OCA2: variants seen among roughly 807,000 people sequenced by gnomAD.
OCA2 encodes P protein.
In OCA2, 77 loss-of-function variants were observed where a neutral mutation model predicts 100.2. That is an observed-to-expected ratio of 0.77 (90% CI 0.64 to 0.93). OCA2 has a LOEUF of 0.93. Ranked by LOEUF, OCA2 falls within the 40% of genes least tolerant of loss-of-function variation. The probability of loss-of-function intolerance (pLI) is 0.00; values close to 1 mark genes in which losing one functional copy is unlikely to be tolerated. For missense variants in OCA2, 1,062 were observed against 1,089.1 expected (o/e 0.98, Z 0.35); for synonymous variants, 432 against 439.2 (o/e 0.98, Z 0.21).
At chr15:27,992,482 C>T (rs1265944735) in intron 9 of OCA2, among the ~76,000 whole-genome samples, 1 of 152,204 alleles carries the variant, frequency 6.6e-6, no homozygotes, top group Non-Finnish European at 1.5e-5. Flanking sequence ...CATTCATCCC[C>T]AACTTGACAG....
chr15:27,907,049 C>A (rs2038205145), intron 19 of OCA2, among the ~76,000 whole-genome samples: 1 of 152,168 alleles, frequency 6.6e-6, no homozygotes, highest in South Asian at 2.1e-4. Context: ...AGAAGGGATC[C>A]GCCACCATGA....
intron 14 of OCA2, among the ~76,000 whole-genome samples, chr15:27,968,500 G>T (rs902081660): frequency 6.6e-6 from 1 of 152,146 alleles, no homozygotes; most frequent in African/African-American, 2.4e-5. Flanking sequence ...CCAAAGGTCT[G>T]GGTTTGAGTG....
chr15:27,789,105 T>C (rs185206274), intron 23 of OCA2, among the ~76,000 whole-genome samples: 1 of 151,554 alleles, frequency 6.6e-6, no homozygotes, highest in Admixed American at 6.6e-5. Flanking sequence ...TTTCAATTAG[T>C]TAAAAGAAGA....
intron 23 of OCA2, among the ~76,000 whole-genome samples, chr15:27,794,920 T>C (rs1238917772): frequency 2.0e-5 from 3 of 152,262 alleles, no homozygotes; most frequent in Non-Finnish European, 4.4e-5. Context: ...TTTCAGAATA[T>C]GTAACTACTA....
At chr15:27,921,237 G>A (rs765415098) in intron 19 of OCA2, among the ~76,000 whole-genome samples, 5 of 151,878 alleles carry the variant, frequency 3.3e-5, no homozygotes, top group Non-Finnish European at 7.4e-5. Flanking sequence ...CGCATATAGG[G>A]GAAACAATGA....
intron 21 of OCA2, among the ~76,000 whole-genome samples, chr15:27,870,528 G>A (rs2036504043): frequency 6.6e-6 from 1 of 152,128 alleles, no homozygotes; most frequent in African/African-American, 2.4e-5. Context: ...TCCTGGCTGG[G>A]GCTCAAGACC....
intron 23 of OCA2, among the ~76,000 whole-genome samples, chr15:27,831,508 G>A (rs530702055): frequency 5.9e-5 from 9 of 152,176 alleles, no homozygotes; most frequent in Non-Finnish European, 1.2e-4. Flanking sequence ...CTCCTGGGAG[G>A]CATTCCTGTG....
chr15:28,012,671 C>T (rs80068700), intron 9 of OCA2, among the ~76,000 whole-genome samples: 7,702 of 152,108 alleles, frequency 0.051, 269 homozygotes, highest in South Asian at 0.14. Context: ...ACAAATAATA[C>T]TAACCATTAA....
downstream of OCA2, among the ~76,000 whole-genome samples, chr15:27,750,132 T>G (rs1000623844): frequency 6.6e-6 from 1 of 152,212 alleles, no homozygotes. Flanking sequence ...CCTTGGTTAG[T>G]TGCCTCAGAA....
At chr15:28,069,190 A>G (rs771873256) in intron 2 of OCA2, among the ~76,000 whole-genome samples, 1 of 152,102 alleles carries the variant, frequency 6.6e-6, no homozygotes, top group East Asian at 1.9e-4. Flanking sequence ...TACTTAGAAA[A>G]TCCTAAAGAC....
rs2040797198 is a variant in OCA2 at position 27,971,664 on chromosome 15, A to G, written c.1504-4842T>C. 4.6e-5 allele frequency among the ~76,000 whole-genome samples: 7 copies of G among 152,110 alleles called. No individual in the cohort carries two copies. The South Asian group carries it at 1.0e-3, about 23-fold the overall frequency. On this transcript the variant is annotated intron_variant, in intron 14 of 23. Coordinates refer to ENST00000354638, the MANE Select transcript of OCA2 (RefSeq NM_000275.3). Reference sequence around the variant, plus strand: ...TGAGAGACCTAAGCCTCGTGCAGCAATGGTAGGTGGCAAGAACTTTCCTCA... The same window carrying G: ...TGAGAGACCTAAGCCTCGTGCAGCAGTGGTAGGTGGCAAGAACTTTCCTCA...
intron 18 of OCA2, among the ~76,000 whole-genome samples, chr15:27,942,046 T>G (rs915780650): frequency 2.0e-5 from 3 of 152,018 alleles, no homozygotes; most frequent in African/African-American, 7.2e-5. Context: ...AGAACGCTCA[T>G]GCATTACCAC....
intron 18 of OCA2, among the ~76,000 whole-genome samples, chr15:27,951,211 G>C (rs2040016034): frequency 6.6e-6 from 1 of 152,198 alleles, no homozygotes; most frequent in Non-Finnish European, 1.5e-5. Context: ...CCACAGCACA[G>C]GCTAGAGAAA....
At chr15:27,865,729 G>T (rs2036295165) in intron 21 of OCA2, among the ~76,000 whole-genome samples, 1 of 152,176 alleles carries the variant, frequency 6.6e-6, no homozygotes, top group African/African-American at 2.4e-5. Context: ...ATCTACATAA[G>T]CCAGGCCAGG....
At chr15:27,814,962 A>G (rs2034240527) in intron 23 of OCA2, among the ~76,000 whole-genome samples, 1 of 151,912 alleles carries the variant, frequency 6.6e-6, no homozygotes, top group Non-Finnish European at 1.5e-5. Flanking sequence ...ATATATATAT[A>G]TATATCTTCT....
chr15:27,954,144 CACACACACACACACA>C (rs1481689579), intron 17 of OCA2, among the ~76,000 whole-genome samples: 4 of 148,204 alleles, frequency 2.7e-5, no homozygotes, highest in Non-Finnish European at 4.4e-5. Context: ...CACACACACA[CACACACACACACACA>C]CCTAGGGTCA....
At chr15:27,719,511 C>G in the OCA2 span, among the ~76,000 whole-genome samples, 1 of 152,178 alleles carries the variant, frequency 6.6e-6, no homozygotes, top group Non-Finnish European at 1.5e-5. Context: ...TCCACACATA[C>G]ATGCACGTAC....
At chr15:27,931,303 G>C (rs1171235790) in intron 18 of OCA2, among the ~76,000 whole-genome samples, 1 of 151,986 alleles carries the variant, frequency 6.6e-6, no homozygotes, top group Non-Finnish European at 1.5e-5. Context: ...TCTATACCTT[G>C]CATTTTATTT....
At chr15:27,888,512 C>G (rs183548347) in intron 19 of OCA2, among the ~76,000 whole-genome samples, 13 of 152,204 alleles carry the variant, frequency 8.5e-5, no homozygotes, top group African/African-American at 1.2e-4. Flanking sequence ...GATTTTAAAG[C>G]AGCCTTCCTA....
Sources: gnomAD v4.1 joint callset for allele counts (sites outside exome capture counted in the v4.1 genomes callset) on GRCh38, gnomAD v4.1.1 for gene constraint, MANE v1.5 for transcripts, NCBI Gene and HGNC (gene_info 2026-07-23, HGNC 2026-07-21) for gene names.